The following ARHGEF3 variants were observed in gnomAD, a reference collection of about 807,000 sequenced individuals.
The protein encoded by ARHGEF3 is Rho guanine nucleotide exchange factor 3.
ARHGEF3 carries 28 observed loss-of-function variants against 63.2 expected under a neutral mutation model. The ratio of observed to expected loss-of-function variants is 0.44; its 90% CI spans 0.33 to 0.61. The LOEUF is 0.61. ARHGEF3 is among the 20% of genes least tolerant of loss of function. ARHGEF3 has a pLI of 0.03. For synonymous variants in ARHGEF3, 266 were observed against 254.2 expected (o/e 1.05, Z -0.44); for missense variants, 533 against 659.3 (o/e 0.81, Z 2.10).
chr3:56,830,909 C>T (rs2038910285), intron 4 of ARHGEF3, among the ~76,000 whole-genome samples: 1 of 152,196 alleles, frequency 6.6e-6, no homozygotes, highest in African/African-American at 2.4e-5. Context: ...CAACTTCCAT[C>T]TTTCTTCTGA....
intron 3 of ARHGEF3, among the ~76,000 whole-genome samples, chr3:56,899,465 A>C (rs1469304493): frequency 2.0e-5 from 3 of 152,200 alleles, no homozygotes; most frequent in Non-Finnish European, 4.4e-5. Context: ...ACGTACAAAG[A>C]GGCTCAGACA....
intron 4 of ARHGEF3, among the ~76,000 whole-genome samples, chr3:56,811,251 T>G (rs1287938467): frequency 6.6e-6 from 1 of 152,214 alleles, no homozygotes; most frequent in African/African-American, 2.4e-5. Context: ...AAAACATGCT[T>G]ATCTTCATAG....
intron 4 of ARHGEF3, among the ~76,000 whole-genome samples, chr3:56,831,293 C>T (rs988425124): frequency 2.6e-5 from 4 of 152,204 alleles, no homozygotes; most frequent in Non-Finnish European, 5.9e-5. Flanking sequence ...CTGGCTTTGT[C>T]ATCTTGACTT....
chr3:56,860,246 T>C (rs1266961284), intron 4 of ARHGEF3, among the ~76,000 whole-genome samples: 1 of 152,174 alleles, frequency 6.6e-6, no homozygotes, highest in Non-Finnish European at 1.5e-5. Context: ...GGTACGATCA[T>C]GGCTCACTGC....
chr3:57,066,908 G>T (rs913156302), intron 1 of ARHGEF3, among the ~76,000 whole-genome samples: 1 of 152,002 alleles, frequency 6.6e-6, no homozygotes, highest in African/African-American at 2.4e-5. Flanking sequence ...GCTGATTTTT[G>T]ACTCACCTGG....
chr3:56,934,988 A>G (rs969559055), intron 3 of ARHGEF3, among the ~76,000 whole-genome samples: 1 of 152,044 alleles, frequency 6.6e-6, no homozygotes, highest in Non-Finnish European at 1.5e-5. Flanking sequence ...AAACACACCA[A>G]TCAGCACCCT....
At chr3:56,861,260 T>C (rs1393745168) in intron 4 of ARHGEF3, among the ~76,000 whole-genome samples, 2 of 152,146 alleles carry the variant, frequency 1.3e-5, no homozygotes, top group Non-Finnish European at 2.9e-5. Flanking sequence ...ACTTTGGCCA[T>C]CAACTTCAGA....
intron 4 of ARHGEF3, among the ~76,000 whole-genome samples, chr3:56,844,412 A>G (rs1188092309): frequency 6.6e-6 from 1 of 152,210 alleles, no homozygotes; most frequent in East Asian, 1.9e-4. Context: ...AACTAAGCAT[A>G]TTGTCTGGAA....
intron 1 of ARHGEF3, among the ~76,000 whole-genome samples, chr3:56,790,225 T>C (rs925115708): frequency 6.6e-6 from 1 of 152,218 alleles, no homozygotes; most frequent in African/African-American, 2.4e-5. Context: ...CTCACTCTTC[T>C]AGGCCTTTGG....
intron 4 of ARHGEF3, among the ~76,000 whole-genome samples, chr3:56,820,536 G>T (rs528536203): frequency 1.7e-4 from 26 of 152,224 alleles, no homozygotes; most frequent in African/African-American, 6.0e-4. Flanking sequence ...AGGCACAGTG[G>T]TATATGCCTG....
At chr3:57,038,210 A>T (rs1263822787) in intron 1 of ARHGEF3, among the ~76,000 whole-genome samples, 1 of 152,238 alleles carries the variant, frequency 6.6e-6, no homozygotes, top group Non-Finnish European at 1.5e-5. Flanking sequence ...CATGCACAGG[A>T]AAGCTCGGTG....
At chr3:56,895,758 C>T (rs544880307) in intron 3 of ARHGEF3, among the ~76,000 whole-genome samples, 7 of 152,180 alleles carry the variant, frequency 4.6e-5, no homozygotes, top group South Asian at 2.1e-4. Context: ...CCACCGCACC[C>T]GGCCATTCAG....
At chr3:56,990,192 G>T (rs1323785124) in intron 2 of ARHGEF3, among the ~76,000 whole-genome samples, 1 of 152,214 alleles carries the variant, frequency 6.6e-6, no homozygotes, top group Non-Finnish European at 1.5e-5. Flanking sequence ...AGAGAAAAGA[G>T]AATACCAGAG....
chr3:56,833,924 C>CA (rs1046711173), intron 4 of ARHGEF3, among the ~76,000 whole-genome samples: 5 of 150,612 alleles, frequency 3.3e-5, no homozygotes, highest in Admixed American at 6.6e-5. Context: ...GTTTTCCCCC[C>CA]CCAATTTTTA....
chr3:56,906,300 A>G (rs1182513333), intron 3 of ARHGEF3, among the ~76,000 whole-genome samples: 1 of 152,222 alleles, frequency 6.6e-6, no homozygotes, highest in Non-Finnish European at 1.5e-5. Context: ...AGTGGCCTCC[A>G]TATGAGACGG....
intron 3 of ARHGEF3, among the ~76,000 whole-genome samples, chr3:56,942,665 G>C (rs956955002): frequency 6.6e-6 from 1 of 152,218 alleles, no homozygotes; most frequent in South Asian, 2.1e-4. Flanking sequence ...ATTAAGCTTA[G>C]TGAGGAAGGC....
chr3:56,875,936 G>A (rs1298085636), intron 4 of ARHGEF3, among the ~76,000 whole-genome samples: 2 of 152,194 alleles, frequency 1.3e-5, no homozygotes, highest in African/African-American at 2.4e-5. Flanking sequence ...ATAAGCTTGT[G>A]AGAGTGGGGT....
chr3:56,894,911 A>G (rs2041247997), intron 3 of ARHGEF3, among the ~76,000 whole-genome samples: 1 of 152,238 alleles, frequency 6.6e-6, no homozygotes, highest in Admixed American at 6.5e-5. Flanking sequence ...ACTTTGAAGC[A>G]AAGACTCCGG....
chr3:56,809,674 T>G (rs1425127677), intron 4 of ARHGEF3, among the ~76,000 whole-genome samples: 1 of 152,130 alleles, frequency 6.6e-6, no homozygotes. Flanking sequence ...TATTTCATAT[T>G]TGGGGGTTAA....
Sources: gnomAD v4.1 joint callset for allele counts (sites outside exome capture counted in the v4.1 genomes callset) on GRCh38, gnomAD v4.1.1 for gene constraint, MANE v1.5 for transcripts, NCBI Gene and HGNC (gene_info 2026-07-23, HGNC 2026-07-21) for gene names.